The following DCTN4 variants were observed in gnomAD, a reference collection of about 807,000 sequenced individuals.
DCTN4 encodes dynactin 4 (p62).
In DCTN4, 23 loss-of-function variants were observed where a neutral mutation model predicts 62.7. The ratio of observed to expected loss-of-function variants is 0.37; its 90% CI spans 0.26 to 0.52. The LOEUF (loss-of-function observed/expected upper bound fraction) is 0.52. DCTN4 is among the 20% of genes least tolerant of loss of function. DCTN4 has a pLI of 0.92. For synonymous variants in DCTN4, 199 were observed against 202.1 expected (o/e 0.98, Z 0.13); for missense variants, 514 against 580.4 (o/e 0.89, Z 1.18).
At chr5:150,742,788 C>T (rs1760814363) in intron 3 of DCTN4, 1 of 152,706 alleles carries the variant, frequency 6.5e-6, no homozygotes, top group Non-Finnish European at 1.5e-5. Context: ...CCAAAAGGAC[C>T]CTTACTTCAA....
At chr5:150,749,454 T>C (rs1170528662) in intron 3 of DCTN4, among the ~76,000 whole-genome samples, 1 of 151,998 alleles carries the variant, frequency 6.6e-6, no homozygotes, top group Non-Finnish European at 1.5e-5. Flanking sequence ...ATGGCAAGGG[T>C]TGTCAAGGGA....
At chr5:150,757,974 G>T in intron 1 of DCTN4, 1 of 756,802 alleles carries the variant, frequency 1.3e-6, no homozygotes, top group Non-Finnish European at 1.6e-6. Flanking sequence ...TTTAAAAAAA[G>T]TATCCACTTA....
intron 3 of DCTN4, among the ~76,000 whole-genome samples, chr5:150,745,969 C>CA (rs1760946215): frequency 6.6e-6 from 1 of 150,948 alleles, no homozygotes; most frequent in Admixed American, 6.6e-5. Context: ...AATAGAGACA[C>CA]AAAAAACCCT....
At chr5:150,755,274 G>C (rs1752817384) in intron 2 of DCTN4, among the ~76,000 whole-genome samples, 1 of 152,190 alleles carries the variant, frequency 6.6e-6, no homozygotes, top group African/African-American at 2.4e-5. Context: ...GATCTTCCAT[G>C]CAAAAGAATT....
chr5:150,733,447 T>C lies in DCTN4; in HGVS notation c.458A>G (p.Gln153Arg), dbSNP rs765108314. Residue 153 changes from glutamine to arginine, a missense_variant, in exon 5 of 13, where the codon CAG (glutamine) becomes CGG (arginine). Gln to Arg is a conservative substitution (Grantham distance 43). Coordinates refer to ENST00000447998, the MANE Select transcript of DCTN4 (RefSeq NM_016221.4). ...CTCAACCTTCTCTTTCTGAGCAAGCTGCTGGTAATATTCAATCAATTTGTT... is the reference window on the plus strand; with the variant it reads ...CTCAACCTTCTCTTTCTGAGCAAGCCGCTGGTAATATTCAATCAATTTGTT... ...RMNKLIEYYQ[Q>R]LAQKEKVERD... 1 of 1,614,092 alleles carries C rather than the reference T, an allele frequency of 6.2e-7. No individual in the cohort carries two copies. Among genetic ancestry groups the C allele is most frequent in the South Asian group, 1.1e-5 (1 of 91,056 alleles).
intron 1 of DCTN4, among the ~76,000 whole-genome samples, chr5:150,757,449 C>G (rs1372386786): frequency 6.6e-6 from 1 of 152,186 alleles, no homozygotes; most frequent in Non-Finnish European, 1.5e-5. Context: ...TCCCTAAACT[C>G]TAATGGCCTC....
At chr5:150,757,057 A>G (rs1391452936) in intron 1 of DCTN4, among the ~76,000 whole-genome samples, 1 of 152,210 alleles carries the variant, frequency 6.6e-6, no homozygotes, top group East Asian at 1.9e-4. Context: ...TCTAAAATTT[A>G]AGTTCATTTT....
rs748881084 is a variant in DCTN4, at chr5:150,731,140, C to T, written c.628G>A (p.Asp210Asn). The T allele has an allele frequency of 3.1e-6, 5 of 1,610,014 alleles. No individual in the cohort carries two copies. The East Asian group carries it at 1.1e-4, about 36-fold the overall frequency. Reference protein sequence around the residue: ...LAGLSLKEGEDQKEIKIEPAQ... With the variant: ...LAGLSLKEGENQKEIKIEPAQ... ...GGCTCAATCTTTATCTCTTTCTGATCCTCTCCTTCTTTAAGGCTGAAAAAT... is the reference window on the plus strand; with the variant it reads ...GGCTCAATCTTTATCTCTTTCTGATTCTCTCCTTCTTTAAGGCTGAAAAAT... Residue 210 changes from aspartate (D) to asparagine (N), a missense_variant, in exon 7 of 13, where the codon GAT becomes AAT. By Grantham distance (23) the Asp-to-Asn change is conservative. Coordinates refer to ENST00000447998, the MANE Select transcript of DCTN4 (RefSeq NM_016221.4).
intron 12 of DCTN4, among the ~76,000 whole-genome samples, chr5:150,713,530 G>C (rs552341282): frequency 1.4e-5 from 2 of 145,286 alleles, no homozygotes; most frequent in African/African-American, 5.1e-5. Flanking sequence ...TGCAACCCCC[G>C]CCCCTAGGGT....
intron 3 of DCTN4, among the ~76,000 whole-genome samples, chr5:150,748,722 A>G (rs865779959): frequency 2.4e-4 from 35 of 143,210 alleles, no homozygotes; most frequent in Admixed American, 5.1e-4. Flanking sequence ...TCACTCATAG[A>G]TGGGAATTGA....
chr5:150,726,009 TC>T (rs1183787740), intron 8 of DCTN4, among the ~76,000 whole-genome samples: 1 of 151,932 alleles, frequency 6.6e-6, no homozygotes, highest in Non-Finnish European at 1.5e-5. Flanking sequence ...TACAACCAAT[TC>T]TCCTGCCTCA....
intron 4 of DCTN4, among the ~76,000 whole-genome samples, chr5:150,738,909 A>G (rs746657748): frequency 6.6e-6 from 1 of 152,192 alleles, no homozygotes; most frequent in Non-Finnish European, 1.5e-5. Context: ...GAATTCAATA[A>G]AAGGTTGGGC....
chr5:150,743,667 C>G (rs2113109769), intron 3 of DCTN4, among the ~76,000 whole-genome samples: 1 of 152,316 alleles, frequency 6.6e-6, no homozygotes, highest in Non-Finnish European at 1.5e-5. Flanking sequence ...CTGCAGACAC[C>G]ACTGCTGATA....
At chr5:150,718,892 C>T (rs1244371642) in intron 10 of DCTN4, among the ~76,000 whole-genome samples, 1 of 152,062 alleles carries the variant, frequency 6.6e-6, no homozygotes, top group Non-Finnish European at 1.5e-5. Context: ...GATCATGGCT[C>T]ACTGCAGCCT....
intron 8 of DCTN4, 41 bp from the exon 9 acceptor site, chr5:150,723,021 A>AAGTGTGTTGTTGTCTT: frequency 6.9e-7 from 1 of 1,440,388 alleles, no homozygotes; most frequent in Non-Finnish European, 9.7e-7. Context: ...GAAGACAACA[A>AAGTGTGTTGTTGTCTT]CACACTTTGT....
Position 150,729,042 on chromosome 5 carries a change from CTTTTTTTTTTT to C in DCTN4, c.834+1578_834+1588del, listed in dbSNP as rs61106544. 2.4e-3 allele frequency among the ~76,000 whole-genome samples: 125 copies of C among 52,140 alleles called. 1 individual carries two copies. The highest frequency in any genetic ancestry group is 6.7e-3 in the African/African-American group (88 of 13,128). 34.2% of individuals were successfully genotyped at this position (52,140 alleles called of 152,430 possible). ...ACAAGTGTGTGAACCACCACACTGG[CTTTTTTTTTTT>C]TTTTTTTTTTTTTTTTTTTTTGGTA... On this transcript the variant is annotated intron_variant, in intron 8 of 12. Transcript: ENST00000447998.
chr5:150,725,241 A>T (rs1456422093), intron 8 of DCTN4, among the ~76,000 whole-genome samples: 1 of 151,726 alleles, frequency 6.6e-6, no homozygotes, highest in Non-Finnish European at 1.5e-5. Context: ...GATATACTAT[A>T]ATCTCTGCAT....
intron 1 of DCTN4, chr5:150,758,519 G>GT: frequency 3.0e-6 from 3 of 1,011,432 alleles, no homozygotes; most frequent in Non-Finnish European, 3.5e-6. Flanking sequence ...TGGAAAGGCA[G>GT]TTTTTCGCCC....
chr5:150,750,098 G>C (rs1752621391), intron 3 of DCTN4, among the ~76,000 whole-genome samples: 1 of 152,126 alleles, frequency 6.6e-6, no homozygotes, highest in East Asian at 1.9e-4. Flanking sequence ...ACTGCAATGG[G>C]GCATGAGGAT....
Sources: allele counts gnomAD v4.1 joint callset (sites outside exome capture counted in the v4.1 genomes callset), GRCh38; gene constraint gnomAD v4.1.1; transcripts MANE v1.5; gene names NCBI Gene and HGNC (gene_info 2026-07-23, HGNC 2026-07-21).